STKLD1: variants seen among roughly 807,000 people sequenced by gnomAD.
STKLD1 encodes the protein serine/threonine kinase like domain containing 1, also known as serine/threonine kinase-like domain-containing protein STKLD1.
In STKLD1, 79 loss-of-function variants were observed where a neutral mutation model predicts 80.4. The observed-to-expected ratio is 0.98, with a 90% CI of 0.82 to 1.19. The LOEUF (loss-of-function observed/expected upper bound fraction) is 1.19. Among genes scored for constraint, STKLD1 ranks in the 50% most tolerant of loss-of-function variants. The pLI, the probability that STKLD1 is intolerant of heterozygous loss-of-function variation, is 0.00. For synonymous variants in STKLD1, 393 were observed against 357.6 expected (o/e 1.10, Z -1.12); for missense variants, 841 against 856.0 (o/e 0.98, Z 0.22).
At position 133,387,428 on chromosome 9, in the gene STKLD1, G is replaced by A; in HGVS notation, c.295-19G>A. ...CGGGGCCTGGGCGTCCTTTGGCTAA[G>A]GGCCTCCTGTCCCAGCAGATCTCTT... On this transcript the variant is annotated intron_variant, in intron 4 of 17. Transcript: ENST00000371957. 6.2e-7 allele frequency: 1 copy of A among 1,609,526 alleles called. No individual in the cohort carries two copies. Among genetic ancestry groups the A allele is most frequent in the Non-Finnish European group, 8.5e-7 (1 of 1,176,242 alleles).
intron 2 of STKLD1, among the ~76,000 whole-genome samples, chr9:133,383,365 G>A (rs1300144685): frequency 1.7e-3 from 11 of 6,630 alleles, no homozygotes; most frequent in Non-Finnish European, 2.0e-3. Context: ...GATGGTGATG[G>A]CAGTGATGAT....
At chr9:133,382,778 G>T (rs1357964056) in intron 2 of STKLD1, among the ~76,000 whole-genome samples, 1 of 124,578 alleles carries the variant, frequency 8.0e-6, no homozygotes, top group Non-Finnish European at 1.8e-5. Context: ...TGATGGTGGT[G>T]ATGATGGTAA....
intron 4 of STKLD1, among the ~76,000 whole-genome samples, chr9:133,386,896 C>T (rs1838276678): frequency 1.3e-5 from 2 of 152,262 alleles, no homozygotes; most frequent in Non-Finnish European, 2.9e-5. Context: ...AGGCCCCTCA[C>T]ACGCTCCCTC....
At position 133,376,505 on chromosome 9, in the gene STKLD1, C is replaced by T. The variant is rs2130248627; in HGVS notation, c.32C>T (p.Pro11Leu). Residue 11 changes from proline (P) to leucine (L), a missense_variant, in exon 1 of 18, where the codon CCC (proline) becomes CTC (leucine). Transcript: ENST00000371957. MLGPGSNRRR[P>L]TQGERGPGSP... ...GGGCCAGGGTCCAATCGCAGGCGCC[C>T]CACGCAGGGGGAGCGAGGCCCAGGG... The T allele has an allele frequency of 3.8e-6, 6 of 1,599,070 alleles. No individual in the cohort carries two copies. The African/African-American group carries it at 8.1e-5, about 22-fold the overall frequency.
chr9:133,382,367 C>A (rs1307257880), intron 2 of STKLD1, among the ~76,000 whole-genome samples: 1 of 152,212 alleles, frequency 6.6e-6, no homozygotes, highest in African/African-American at 2.4e-5. Context: ...ATTTTTAGAT[C>A]TCTGCCTTAG....
chr9:133,389,189 A>G lies in STKLD1; in HGVS notation c.397-337A>G. 1.0e-6 allele frequency: 1 copy of G among 985,330 alleles called. No homozygotes were observed. Among genetic ancestry groups the G allele is most frequent in the Non-Finnish European group, 1.2e-6 (1 of 829,890 alleles). The allele number at this position is 985,330 out of a possible 1,614,324, so 61.0% of individuals were successfully genotyped here. A position where few individuals can be genotyped will look rare whatever the true frequency, so the allele number is the denominator to read the frequency against. On this transcript the variant is annotated intron_variant, in intron 5 of 17. Coordinates refer to ENST00000371957, the MANE Select transcript of STKLD1 (RefSeq NM_153710.5). This position sits in a 1 kb window ranked among gnomAD's most constrained non-coding sequence, Gnocchi z 6.4. ...GGCTTCCACCTCTCCCATACCCGCAAGGCCGATCTGCCTTCAGCTCCCAGC... is the reference window on the plus strand; with the variant it reads ...GGCTTCCACCTCTCCCATACCCGCAGGGCCGATCTGCCTTCAGCTCCCAGC...
intron 11 of STKLD1, among the ~76,000 whole-genome samples, chr9:133,400,148 G>A (rs1554777354): frequency 2.6e-5 from 4 of 152,194 alleles, no homozygotes; most frequent in African/African-American, 9.6e-5. Flanking sequence ...CTTTCATCCT[G>A]CTGACCCCAG....
At chr9:133,381,172 C>G (rs2130265376) in intron 2 of STKLD1, among the ~76,000 whole-genome samples, 1 of 86,330 alleles carries the variant, frequency 1.2e-5, no homozygotes, top group East Asian at 3.5e-4. Context: ...GAGTTTTGCT[C>G]TTGTTGCCCA....
At chr9:133,401,122 G>T (rs587748303) in intron 12 of STKLD1, among the ~76,000 whole-genome samples, 5 of 146,702 alleles carry the variant, frequency 3.4e-5, no homozygotes, top group African/African-American at 5.3e-5. Flanking sequence ...GATTTTTTTT[G>T]AAACAAAAAG....
chr9:133,400,876 C>T lies in STKLD1; in HGVS notation c.1198+347C>T, dbSNP rs587621874. Among the ~76,000 whole-genome samples, 6 of 152,346 alleles carry T rather than the reference C, an allele frequency of 3.9e-5. No homozygotes were observed. In the East Asian group the frequency reaches 7.7e-4, roughly 20 times the overall value. Reference sequence around the variant, plus strand: ...ACCCAGGCCTGCCTTTTGCCTGCTCCGTGGCCCTGGACAAGTTCCTGATGA... The same window carrying T: ...ACCCAGGCCTGCCTTTTGCCTGCTCTGTGGCCCTGGACAAGTTCCTGATGA... On this transcript the variant is annotated intron_variant, in intron 12 of 17. Transcript: ENST00000371957.
chr9:133,404,473 T>C (rs1838791151), intron 16 of STKLD1, among the ~76,000 whole-genome samples: 1 of 152,116 alleles, frequency 6.6e-6, no homozygotes, highest in African/African-American at 2.4e-5. Flanking sequence ...TCAGAGAGCA[T>C]CCTGGGCCTG....
In STKLD1 at chr9:133,390,504, G is replaced by A. The variant is rs1564378934; in HGVS notation, c.468-177G>A. On this transcript the variant is annotated intron_variant, in intron 6 of 17. Coordinates refer to ENST00000371957, the MANE Select transcript of STKLD1 (RefSeq NM_153710.5). The surrounding 1 kb of genome is among the most constrained non-coding windows in gnomAD (Gnocchi z 5.1). Reference sequence around the variant, plus strand: ...TAGGAAACAACTGCTTAAAAAGTAGGCTGAGATGGGGCATTTTGTGGAGGA... The same window carrying A: ...TAGGAAACAACTGCTTAAAAAGTAGACTGAGATGGGGCATTTTGTGGAGGA... Among the ~76,000 whole-genome samples the A allele has an allele frequency of 6.6e-6, 1 of 152,148 alleles. No homozygotes were observed. Among genetic ancestry groups the A allele is most frequent in the Non-Finnish European group, 1.5e-5 (1 of 68,024 alleles).
intron 16 of STKLD1, 31 bp from the exon 17 acceptor site, chr9:133,404,758 G>A: frequency 5.0e-6 from 8 of 1,607,010 alleles, no homozygotes; most frequent in Non-Finnish European, 5.9e-6. Flanking sequence ...GGGGAAAGCA[G>A]GGAATGAACC....
At position 133,401,748 on chromosome 9, in the gene STKLD1, C is replaced by T. The variant is rs1554777697; in HGVS notation, c.1209C>T (p.His403=). Residue 403 remains histidine, a synonymous_variant, in exon 13 of 18, where the codon CAC becomes CAT. Coordinates refer to ENST00000371957, the MANE Select transcript of STKLD1 (RefSeq NM_153710.5). Reference sequence around the variant, plus strand: ...CTCTGGCTTGAGCAGCGCTGGTGCACCACCCGGAAGCCAAGGCTCCCTGCA... The same window carrying T: ...CTCTGGCTTGAGCAGCGCTGGTGCATCACCCGGAAGCCAAGGCTCCCTGCA... The part of the protein sequence containing the change: ...LLHLLGQALV[H]HPEAKAPCNQ... The T allele has an allele frequency of 1.9e-6, 3 of 1,612,404 alleles. No individual in the cohort carries two copies. The Admixed American group carries it at 5.0e-5, about 27-fold the overall frequency.
chr9:133,385,791 AGCTCGTGTGGCAATG>A lies in STKLD1; in HGVS notation c.294+103_294+117del. The stretch of plus-strand genomic sequence containing the variant: ...CACGCCCACCCCCCACTGTCAGAAT[AGCTCGTGTGGCAATG>A]GCAGTGACTGTAAACGTGGCCACCC... On this transcript the variant is annotated intron_variant, in intron 4 of 17. Coordinates refer to ENST00000371957, the MANE Select transcript of STKLD1 (RefSeq NM_153710.5). This position sits in a 1 kb window ranked among gnomAD's most constrained non-coding sequence, Gnocchi z 4.9. The A allele has an allele frequency of 9.0e-7, 1 of 1,117,050 alleles. No individual in the cohort carries two copies. Among genetic ancestry groups the A allele is most frequent in the South Asian group, 1.3e-5 (1 of 74,646 alleles). The allele number at this position is 1,117,050 out of a possible 1,614,324, so 69.2% of individuals were successfully genotyped here. A position where few individuals can be genotyped will look rare whatever the true frequency, so the allele number is the denominator to read the frequency against.
rs781862747 is a variant in STKLD1, at chr9:133,403,785, G to A, written c.1560G>A (p.Met520Ile). ...CCACCTACCCTGCGGATGGGGAAAT[G>A]GCAGAAGCCAGCTGCGGAGTCTTCT... is the stretch of plus-strand genomic sequence containing the variant. ...VLATYPADGE[M>I]AEASCGVFWL... is the part of the protein sequence containing the mutation. The change falls in exon 15 of 18, where the codon ATG becomes ATA. Residue 520 changes from methionine to isoleucine, a missense_variant. Physicochemically the swap from Met to Ile is conservative, Grantham distance 10 (BLOSUM62 1). Transcript: ENST00000371957. 40 of 1,613,760 alleles carry A rather than the reference G, an allele frequency of 2.5e-5. No individual in the cohort carries two copies. Among genetic ancestry groups the A allele is most frequent in the Non-Finnish European group, 3.1e-5 (36 of 1,179,976 alleles).
chr9:133,400,378 A>G, intron 11 of STKLD1, 35 bp from the exon 12 acceptor site: 3 of 1,564,574 alleles, frequency 1.9e-6, no homozygotes, highest in East Asian at 2.2e-5. Context: ...GATCTGGCCC[A>G]AAATGAGTCT....
rs782212289 is a variant in STKLD1, at chr9:133,394,316, C to G, written c.609C>G (p.Ala203=). The change falls in exon 8 of 18, where the codon GCC becomes GCG. Residue 203 remains alanine, a synonymous_variant. Transcript: ENST00000371957. The surrounding 1 kb of genome is among the most constrained non-coding windows in gnomAD (Gnocchi z 4.9). ...ACCCCTTTCGTAAGTCCTGGATGGC[C>G]CCTGAAGCCCTCAACTTCTCCTTCA... is the stretch of plus-strand genomic sequence containing the variant. ...EEDPFRKSWM[A]PEALNFSFSQ... 2 of 1,613,828 alleles carry G rather than the reference C, an allele frequency of 1.2e-6. No homozygotes were observed. The highest frequency in any genetic ancestry group is 1.3e-5 in the African/African-American group (1 of 75,010).
chr9:133,389,234 C>T lies in STKLD1; in HGVS notation c.397-292C>T, dbSNP rs1404153734. On this transcript the variant is annotated intron_variant, in intron 5 of 17. Transcript: ENST00000371957. This position sits in a 1 kb window ranked among gnomAD's most constrained non-coding sequence, Gnocchi z 6.4. ...CCCAGCAAGTGTGGGGCAGCGCGGG[C>T]CACAGAGTAGGGTGCAGGGATGGGG... 2.0e-6 allele frequency: 2 copies of T among 985,258 alleles called. No homozygotes were observed. The highest frequency in any genetic ancestry group is 1.1e-4 in the East Asian group (1 of 8,826). 61.0% of individuals were successfully genotyped at this position (985,258 alleles called of 1,614,324 possible).
Sources: gnomAD v4.1 joint callset for allele counts (sites outside exome capture counted in the v4.1 genomes callset) on GRCh38, gnomAD v4.1.1 for gene constraint, Gnocchi (gnomAD v3.1) non-coding constraint, MANE v1.5 for transcripts, NCBI Gene and HGNC (gene_info 2026-07-23, HGNC 2026-07-21) for gene names.